ANO6: variants seen among roughly 807,000 people sequenced by gnomAD.
ANO6 encodes anoctamin 6.
A neutral mutation model predicts 117.5 loss-of-function variants in ANO6; 106 were observed. The ratio of observed to expected loss-of-function variants is 0.90; its 90% confidence interval spans 0.77 to 1.06. The LOEUF is 1.06. ANO6 is among the 50% of genes least tolerant of loss of function. The pLI is 0.00. For synonymous variants in ANO6, 367 were observed against 385.1 expected, an observed-to-expected ratio of 0.95 and a Z score of 0.55; for missense variants, 955 against 1,121.1, an observed-to-expected ratio of 0.85 and a Z score of 2.12.
intron 11 of ANO6, among the ~76,000 whole-genome samples, chr12:45,388,610 CAT>C (rs1446833951): frequency 2.0e-5 from 3 of 152,184 alleles, no homozygotes; most frequent in African/African-American, 7.2e-5. Flanking sequence ...TTTACTGTGA[CAT>C]AGTGATATAA....
chr12:45,401,760 T>C lies in ANO6; in HGVS notation c.1387-35T>C, dbSNP rs546662982. 2.3e-4 allele frequency: 348 copies of C among 1,537,124 alleles called. 2 individuals carry two copies. The South Asian group carries it at 3.8e-3, about 17-fold the overall frequency. On this transcript the variant is annotated intron_variant, in intron 12 of 19. Coordinates refer to ENST00000320560, the MANE Select transcript of ANO6 (RefSeq NM_001025356.3). Reference sequence around the variant, plus strand: ...TTAATAGTACAAGTGCAGTTATTGGTGAGTCTCATGCTACTGTGTTTGTTG... The same window carrying C: ...TTAATAGTACAAGTGCAGTTATTGGCGAGTCTCATGCTACTGTGTTTGTTG...
chr12:45,224,762 G>A (rs144786547), intron 1 of ANO6, among the ~76,000 whole-genome samples: 2 of 152,172 alleles, frequency 1.3e-5, no homozygotes, highest in East Asian at 1.9e-4. Flanking sequence ...CACATATGTC[G>A]ATTGCTCTAC....
At chr12:45,344,321 T>C (rs955628799) in intron 3 of ANO6, among the ~76,000 whole-genome samples, 5 of 152,208 alleles carry the variant, frequency 3.3e-5, no homozygotes, top group Non-Finnish European at 5.9e-5. Flanking sequence ...TCAACAAATA[T>C]GTGTTAGGCA....
chr12:45,370,950 G>A (rs984682644), intron 9 of ANO6, among the ~76,000 whole-genome samples: 14 of 152,176 alleles, frequency 9.2e-5, no homozygotes, highest in African/African-American at 2.9e-4. Context: ...CTGAGGTACC[G>A]GGCTCATCTC....
intron 9 of ANO6, among the ~76,000 whole-genome samples, chr12:45,373,058 A>G (rs1331674081): frequency 6.6e-6 from 1 of 152,154 alleles, no homozygotes; most frequent in Non-Finnish European, 1.5e-5. Flanking sequence ...CAGGGGTTGC[A>G]ATCCTAGTCT....
chr12:45,391,515 A>G (rs1280466058), intron 12 of ANO6, among the ~76,000 whole-genome samples: 2 of 152,206 alleles, frequency 1.3e-5, no homozygotes, highest in African/African-American at 4.8e-5. Context: ...TTGGGGGGAC[A>G]ATAAATGTTA....
intron 8 of ANO6, among the ~76,000 whole-genome samples, chr12:45,361,615 T>C (rs1941557392): frequency 6.6e-6 from 1 of 152,172 alleles, no homozygotes; most frequent in Non-Finnish European, 1.5e-5. Flanking sequence ...TTAAGTGTGA[T>C]ACTAGGTGTG....
intron 1 of ANO6, among the ~76,000 whole-genome samples, chr12:45,250,478 G>A (rs898589392): frequency 9.2e-5 from 14 of 152,192 alleles, no homozygotes; most frequent in African/African-American, 3.4e-4. Flanking sequence ...CTGCAGCGTC[G>A]AACTCCTGGG....
At chr12:45,305,506 A>G (rs1306389980) in intron 2 of ANO6, among the ~76,000 whole-genome samples, 1 of 152,210 alleles carries the variant, frequency 6.6e-6, no homozygotes, top group Non-Finnish European at 1.5e-5. Flanking sequence ...AGGAGGATGT[A>G]GTCAGGAAAA....
chr12:45,262,336 C>A (rs1369693407), intron 1 of ANO6, among the ~76,000 whole-genome samples: 1 of 152,038 alleles, frequency 6.6e-6, no homozygotes, highest in East Asian at 1.9e-4. Flanking sequence ...TAAAATTAAC[C>A]ATTTTAACCA....
At chr12:45,348,457 A>G in intron 5 of ANO6, 61 bp from the exon 6 acceptor site, 1 of 1,547,092 alleles carries the variant, frequency 6.5e-7, no homozygotes, top group Admixed American at 1.7e-5. Flanking sequence ...AGTAGTAAAC[A>G]ATGATTGGAT....
chr12:45,421,194 T>C lies in ANO6; in HGVS notation c.2341T>C (p.Ser781Pro), dbSNP rs2137701264. 2 of 1,614,156 alleles carry C rather than the reference T, an allele frequency of 1.2e-6. No homozygotes were observed. Among genetic ancestry groups the C allele is most frequent in the African/African-American group, 1.3e-5 (1 of 75,048 alleles). The change falls in exon 18 of 20, where the codon TCC becomes CCC. Residue 781 changes from serine to proline, a missense_variant. Ser to Pro is a moderately conservative substitution (Grantham distance 74, BLOSUM62 -1). Transcript: ENST00000320560. ...TMEGYINNTL[S>P]IFKVADFKNK... ...GGAAGGGTACATCAACAACACTCTCTCCATCTTCAAAGTCGCAGACTTCAA... is the reference window on the plus strand; with the variant it reads ...GGAAGGGTACATCAACAACACTCTCCCCATCTTCAAAGTCGCAGACTTCAA...
intron 1 of ANO6, chr12:45,292,544 G>GT: frequency 1.7e-6 from 1 of 583,374 alleles, no homozygotes; most frequent in Non-Finnish European, 2.2e-6. Flanking sequence ...AATCTGATAG[G>GT]TTTGCAGTGT....
chr12:45,229,329 T>C (rs1005677025), intron 1 of ANO6, among the ~76,000 whole-genome samples: 5 of 152,170 alleles, frequency 3.3e-5, no homozygotes, highest in Admixed American at 6.6e-5. Context: ...AATGTTCCCA[T>C]GTCAGCCTCT....
intron 1 of ANO6, chr12:45,292,740 A>G (rs941199106): frequency 1.4e-6 from 2 of 1,414,950 alleles, no homozygotes; most frequent in African/African-American, 1.4e-5. Context: ...AGCTGAAACA[A>G]CACCAAACAT....
rs534045596 is a variant in ANO6, at chr12:45,432,319, A to G, written c.*3008A>G. On this transcript the variant is annotated 3_prime_UTR_variant, in exon 20 of 20. Coordinates refer to ENST00000320560, the MANE Select transcript of ANO6 (RefSeq NM_001025356.3). ...ATTTTAATATTCTTTTATAATTATGAGCATTTTAATAAATTCATTTTTACA... is the reference window on the plus strand; with the variant it reads ...ATTTTAATATTCTTTTATAATTATGGGCATTTTAATAAATTCATTTTTACA... 1 of 883,964 alleles carries G rather than the reference A, an allele frequency of 1.1e-6. No individual in the cohort carries two copies. Among genetic ancestry groups the G allele is most frequent in the South Asian group, 5.3e-5 (1 of 18,724 alleles). 54.8% of individuals were successfully genotyped at this position (883,964 alleles called of 1,614,324 possible).
At chr12:45,241,970 G>A (rs1216625335) in intron 1 of ANO6, among the ~76,000 whole-genome samples, 2 of 152,204 alleles carry the variant, frequency 1.3e-5, no homozygotes, top group African/African-American at 4.8e-5. Context: ...CTGCCTGTAT[G>A]AGGTTTCTGT....
At chr12:45,418,956 C>T (rs188925972) in intron 17 of ANO6, among the ~76,000 whole-genome samples, 2 of 152,290 alleles carry the variant, frequency 1.3e-5, no homozygotes, top group East Asian at 1.9e-4. Flanking sequence ...TGTGCTTGTG[C>T]AAGCATTAAA....
intron 1 of ANO6, among the ~76,000 whole-genome samples, chr12:45,293,834 C>T (rs1006295990): frequency 6.8e-6 from 1 of 146,784 alleles, no homozygotes; most frequent in Non-Finnish European, 1.5e-5. Context: ...CCACCCATCT[C>T]GGCCTCCCAA....
Sources: allele counts gnomAD v4.1 joint callset (sites outside exome capture counted in the v4.1 genomes callset), GRCh38; gene constraint gnomAD v4.1.1; transcripts MANE v1.5; gene names NCBI Gene and HGNC (gene_info 2026-07-23, HGNC 2026-07-21).